The following IPCEF1 variants were observed in gnomAD, a reference collection of about 807,000 sequenced individuals.
IPCEF1 encodes the protein interactor protein for cytohesin exchange factors 1.
A neutral mutation model predicts 50.9 loss-of-function variants in IPCEF1; 31 were observed. The ratio of observed to expected loss-of-function variants is 0.61; its 90% CI spans 0.46 to 0.82. The LOEUF is 0.82. Among genes scored for constraint, IPCEF1 ranks in the 40% least tolerant of loss-of-function variants. The probability of loss-of-function intolerance (pLI) is 0.00; values close to 1 mark genes in which losing one functional copy is unlikely to be tolerated. For synonymous variants in IPCEF1, 181 were observed against 192.0 expected, an observed-to-expected ratio of 0.94 and a Z score of 0.47; for missense variants, 458 against 514.0, an observed-to-expected ratio of 0.89 and a Z score of 1.05.
At chr6:154,315,985 A>G (rs1783208503) in intron 1 of IPCEF1, among the ~76,000 whole-genome samples, 1 of 152,074 alleles carries the variant, frequency 6.6e-6, no homozygotes, top group South Asian at 2.1e-4. Flanking sequence ...TCAGCCTCCC[A>G]AGTAGCTGCG....
chr6:154,207,189 C>G (rs1490684483), intron 9 of IPCEF1, among the ~76,000 whole-genome samples: 1 of 152,168 alleles, frequency 6.6e-6, no homozygotes, highest in Admixed American at 6.5e-5. Context: ...GGAGAGCCAC[C>G]GGGCTGCGTG....
intron 1 of IPCEF1, among the ~76,000 whole-genome samples, chr6:154,309,756 T>G (rs1783028687): frequency 6.8e-6 from 1 of 146,778 alleles, no homozygotes; most frequent in African/African-American, 2.6e-5. Context: ...GTCACTCTGC[T>G]TTTCTTTTCT....
chr6:154,290,317 G>A (rs191783129), intron 1 of IPCEF1, among the ~76,000 whole-genome samples: 308 of 152,280 alleles, frequency 2.0e-3, no homozygotes, highest in African/African-American at 6.8e-3. Flanking sequence ...CATTGCACAT[G>A]CGGAAAGCCC....
intron 1 of IPCEF1, among the ~76,000 whole-genome samples, chr6:154,300,858 T>C (rs1028368778): frequency 1.3e-5 from 2 of 152,196 alleles, no homozygotes; most frequent in African/African-American, 4.8e-5. Context: ...GCTTTTATTG[T>C]TATGAACTAG....
At chr6:154,241,588 A>G (rs1034737813) in intron 5 of IPCEF1, among the ~76,000 whole-genome samples, 2 of 151,994 alleles carry the variant, frequency 1.3e-5, no homozygotes, top group Non-Finnish European at 2.9e-5. Flanking sequence ...CTTATATCCA[A>G]GCGTTCTTCA....
intron 10 of IPCEF1, among the ~76,000 whole-genome samples, chr6:154,170,880 T>C (rs1799816956): frequency 6.6e-6 from 1 of 152,222 alleles, no homozygotes; most frequent in South Asian, 2.1e-4. Context: ...TTTTATTGTT[T>C]ATTTTTTAAA....
intron 3 of IPCEF1, among the ~76,000 whole-genome samples, chr6:154,257,062 A>C (rs188501205): frequency 1.3e-5 from 2 of 152,304 alleles, no homozygotes; most frequent in East Asian, 3.9e-4. Context: ...TTTATTACAG[A>C]TTTATCAGGA....
chr6:154,256,671 C>A (rs1288212359), intron 3 of IPCEF1, among the ~76,000 whole-genome samples: 1 of 151,654 alleles, frequency 6.6e-6, no homozygotes, highest in African/African-American at 2.4e-5. Context: ...TTAGAAGTTA[C>A]CTCTAGTTAC....
At position 154,159,868 on chromosome 6, in the gene IPCEF1, T is replaced by C; in HGVS notation, c.1277A>G (p.Lys426Arg). 1 of 1,612,078 alleles carries C rather than the reference T, an allele frequency of 6.2e-7. No individual in the cohort carries two copies. Among genetic ancestry groups the C allele is most frequent in the Non-Finnish European group, 8.5e-7 (1 of 1,179,608 alleles). Residue 426 changes from lysine (K) to arginine (R), a missense_variant, in exon 12 of 12, where the codon AAG becomes AGG. Coordinates refer to ENST00000367220, the MANE Select transcript of IPCEF1 (RefSeq NM_001130700.2). ...DDTDDTPQEL[K>R]KSPSSPSVEN... ...AACAGAGGGAGAAGAAGGTGATTTCTTGAGTTCCTGGGGGGTGTCATCAGT... is the reference window on the plus strand; with the variant it reads ...AACAGAGGGAGAAGAAGGTGATTTCCTGAGTTCCTGGGGGGTGTCATCAGT...
chr6:154,316,535 G>C (rs573498906), intron 1 of IPCEF1, among the ~76,000 whole-genome samples: 1 of 152,244 alleles, frequency 6.6e-6, no homozygotes, highest in Admixed American at 6.5e-5. Flanking sequence ...AACCAATACT[G>C]CATACTCTCA....
Position 154,289,048 on chromosome 6 carries a change from A to AAAAC in IPCEF1, c.-18+661_-18+664dup, listed in dbSNP as rs561156421. The stretch of plus-strand genomic sequence containing the variant: ...GGGGACAAAGTGAGACACTGTCTCA[A>AAAAC]AAACAAACAAACAAACAAGAGTTAA... On this transcript the variant is annotated intron_variant, in intron 2 of 11. Coordinates refer to ENST00000367220, the MANE Select transcript of IPCEF1 (RefSeq NM_001130700.2). Among the ~76,000 whole-genome samples the AAAAC allele has an allele frequency of 4.8e-4, 73 of 152,328 alleles. 3 individuals are homozygous for AAAAC. In the South Asian group the frequency reaches 7.9e-3, roughly 16 times the overall value.
intron 3 of IPCEF1, among the ~76,000 whole-genome samples, chr6:154,249,694 G>A (rs1229592749): frequency 6.6e-6 from 1 of 151,984 alleles, no homozygotes; most frequent in Non-Finnish European, 1.5e-5. Context: ...TCCCAGCTGG[G>A]TACCAGTGAG....
intron 2 of IPCEF1, among the ~76,000 whole-genome samples, chr6:154,281,094 C>T (rs954783312): frequency 6.7e-6 from 1 of 148,402 alleles, no homozygotes; most frequent in Non-Finnish European, 1.5e-5. Flanking sequence ...AATCCCAGCA[C>T]TTTGGGAGGC....
chr6:154,309,638 A>G (rs973080060), intron 1 of IPCEF1, among the ~76,000 whole-genome samples: 3 of 151,836 alleles, frequency 2.0e-5, no homozygotes, highest in African/African-American at 7.3e-5. Context: ...ATTTTTTTTC[A>G]TCTGCCCTGT....
rs1201087021 is a variant in IPCEF1 at position 154,238,530 on chromosome 6, T to A, written c.246+8061A>T. Among the ~76,000 whole-genome samples the A allele has an allele frequency of 2.6e-5, 4 of 152,132 alleles. No individual in the cohort carries two copies. The East Asian group carries it at 7.7e-4, about 29-fold the overall frequency. On this transcript the variant is annotated intron_variant, in intron 5 of 11. Coordinates refer to ENST00000367220, the MANE Select transcript of IPCEF1 (RefSeq NM_001130700.2). ...ATCTGCCTGTCTTGGCCTTCCAAAG[T>A]GCTGGGATCATAGGCATGAGCCACT...
At chr6:154,319,162 C>T (rs1250084471) in intron 1 of IPCEF1, among the ~76,000 whole-genome samples, 3 of 151,972 alleles carry the variant, frequency 2.0e-5, no homozygotes, top group African/African-American at 7.3e-5. Context: ...CTGCTCTTTT[C>T]CCTTCCCTCC....
At chr6:154,185,041 G>A (rs1801214892) in intron 10 of IPCEF1, among the ~76,000 whole-genome samples, 1 of 152,132 alleles carries the variant, frequency 6.6e-6, no homozygotes, top group Admixed American at 6.5e-5. Flanking sequence ...CTAAAGATTA[G>A]AGATTTCTGA....
At chr6:154,214,086 A>C in intron 8 of IPCEF1, 132 bp downstream of exon 8, 1 of 676,124 alleles carries the variant, frequency 1.5e-6, no homozygotes, top group Non-Finnish European at 2.7e-6. Flanking sequence ...ACATATTTTC[A>C]GATCATCTTA....
intron 3 of IPCEF1, among the ~76,000 whole-genome samples, chr6:154,265,036 C>T (rs1237839357): frequency 6.6e-6 from 1 of 152,172 alleles, no homozygotes; most frequent in African/African-American, 2.4e-5. Flanking sequence ...CAAACTCTGA[C>T]CTATACATCC....
Sources: gnomAD v4.1 joint callset for allele counts (sites outside exome capture counted in the v4.1 genomes callset) on GRCh38, gnomAD v4.1.1 for gene constraint, MANE v1.5 for transcripts, NCBI Gene and HGNC (gene_info 2026-07-23, HGNC 2026-07-21) for gene names.